USP9X: variants seen among roughly 807,000 people sequenced by gnomAD.
USP9X encodes ubiquitin carboxyl-terminal hydrolase 9X.
A neutral mutation model predicts 190.3 loss-of-function variants in USP9X; 7 were observed. That is an observed-to-expected ratio of 0.04 (90% confidence interval 0.02 to 0.07). The LOEUF (loss-of-function observed/expected upper bound fraction) is 0.07, where lower values mean the gene tolerates loss of function less well. USP9X is among the 10% of genes least tolerant of loss of function. USP9X has a pLI of 1.00. For synonymous variants in USP9X, 645 were observed against 659.5 expected, an observed-to-expected ratio of 0.98 and a Z score of 0.34; for missense variants, 1,010 against 1,916.9, an observed-to-expected ratio of 0.53 and a Z score of 8.83.
intron 21 of USP9X, among the ~76,000 whole-genome samples, chrX:41,173,945 A>G (rs1247656302): frequency 8.9e-6 from 1 of 112,103 alleles, no homozygotes; most frequent in Non-Finnish European, 1.9e-5. Flanking sequence ...GACCACATAT[A>G]CAATGGTGGT....
At position 41,106,451 on chromosome X, in the gene USP9X, G is replaced by T. The variant is rs138414053; in HGVS notation, c.-158-17020G>T. 3.5e-4 allele frequency among the ~76,000 whole-genome samples: 38 copies of T among 107,600 alleles called. 1 individual carries two copies. In the East Asian group the frequency reaches 0.011, roughly 30 times the overall value. The allele number at this position is 107,600 out of a possible 115,157, so 93.4% of individuals were successfully genotyped here. A position where few individuals can be genotyped will look rare whatever the true frequency, so the allele number is the denominator to read the frequency against. Reference sequence around the variant, plus strand: ...TATAATTGCATAATTGTATTTACCAGTGTTATTTCACTGAGTTTGTGTCTT... The same window carrying T: ...TATAATTGCATAATTGTATTTACCATTGTTATTTCACTGAGTTTGTGTCTT... On this transcript the variant is annotated intron_variant, in intron 1 of 44. Transcript: ENST00000378308.
At position 41,214,565 on chromosome X, in the gene USP9X, T is replaced by C; in HGVS notation, c.5190-3T>C. On this transcript the variant is annotated splice_region_variant and splice_polypyrimidine_tract_variant and intron_variant, in intron 33 of 44. Transcript: ENST00000378308. ...ATAAATCCTTTTTTTAAATCGTTTT[T>C]AGGTACGAATGTGAAGAATCTTTTA... The C allele has an allele frequency of 1.7e-6, 2 of 1,155,698 alleles. No individual in the cohort carries two copies. Among genetic ancestry groups the C allele is most frequent in the South Asian group, 4.2e-5 (2 of 47,756 alleles).
chrX:41,228,798 G>T (rs1475870488), intron 41 of USP9X, among the ~76,000 whole-genome samples: 3 of 112,131 alleles, frequency 2.7e-5, no homozygotes, highest in Non-Finnish European at 5.6e-5. Flanking sequence ...GTGTAACTCT[G>T]TGCCAATTTT....
intron 4 of USP9X, among the ~76,000 whole-genome samples, chrX:41,133,331 G>T (rs2062340954): frequency 1.8e-5 from 2 of 111,419 alleles, no homozygotes; most frequent in South Asian, 7.4e-4. Context: ...ATTTTTTAAA[G>T]AAAATATCTT....
At chrX:41,198,796 C>T in intron 30 of USP9X, 46 bp downstream of exon 30, 1 of 1,073,511 alleles carries the variant, frequency 9.3e-7, no homozygotes, top group Non-Finnish European at 1.3e-6. Context: ...TTCAATGTTT[C>T]AAAGTTGTTT....
chrX:41,196,471 A>G (rs964088629), intron 27 of USP9X, 112 bp downstream of exon 27: 58 of 1,066,218 alleles, frequency 5.4e-5, no homozygotes, highest in Non-Finnish European at 7.3e-5. Flanking sequence ...TATTTAATAA[A>G]TGAAGTACTA....
intron 26 of USP9X, 138 bp from the exon 27 acceptor site, chrX:41,196,113 A>AG: frequency 1.5e-6 from 1 of 660,275 alleles, no homozygotes; most frequent in Non-Finnish European, 2.4e-6. Flanking sequence ...GTGTGTAGGT[A>AG]GGGTAATCCT....
intron 38 of USP9X, among the ~76,000 whole-genome samples, chrX:41,222,503 GAGGC>G (rs1001896589): frequency 8.9e-6 from 1 of 111,884 alleles, no homozygotes; most frequent in Non-Finnish European, 1.9e-5. Context: ...GGAAAGAAGA[GAGGC>G]AGGCAATTTA....
At position 41,224,635 on chromosome X, in the gene USP9X, TAAAAAAAATAAA is replaced by T. The variant is rs1797970594; in HGVS notation, c.6752-100_6752-89del. On this transcript the variant is annotated intron_variant, in intron 39 of 44. Coordinates refer to ENST00000378308, the MANE Select transcript of USP9X (RefSeq NM_001039591.3). ...TGGGCGACAGAGCGAGACTCCATCT[TAAAAAAAATAAA>T]AAAAAATTATAGGCTATTTTCTATC... 6 of 719,691 alleles carry T rather than the reference TAAAAAAAATAAA, an allele frequency of 8.3e-6. No homozygotes were observed. In the South Asian group the frequency reaches 1.2e-4, roughly 14 times the overall value. 59.3% of individuals were successfully genotyped at this position (719,691 alleles called of 1,213,427 possible). A position where few individuals can be genotyped will look rare whatever the true frequency, so the allele number is the denominator to read the frequency against.
At chrX:41,155,723 C>T (rs187544217) in intron 14 of USP9X, among the ~76,000 whole-genome samples, 3 of 111,894 alleles carry the variant, frequency 2.7e-5, no homozygotes, top group Non-Finnish European at 5.6e-5. Flanking sequence ...CTATGAAGTA[C>T]TATTAAGTCT....
intron 36 of USP9X, among the ~76,000 whole-genome samples, 186 bp from the exon 37 acceptor site, chrX:41,218,184 ACT>A (rs952955050): frequency 1.2e-4 from 13 of 111,051 alleles, no homozygotes; most frequent in African/African-American, 4.3e-4. Context: ...CTGTTTGGTA[ACT>A]CTGAGAGAAT....
Position 41,086,381 on chromosome X carries a change from T to TCCC in USP9X, c.-159+275_-159+277dup, listed in dbSNP as rs1387717563. Reference sequence around the variant, plus strand: ...CTGACGGCTCCGTCCCTCCCCCTCCTCCCCCTTCCCGTCCTGTCTGGGGCC... The same window carrying TCCC: ...CTGACGGCTCCGTCCCTCCCCCTCCTCCCCCCCCTTCCCGTCCTGTCTGGGGCC... On this transcript the variant is annotated intron_variant, in intron 1 of 44. Transcript: ENST00000378308. 2.7e-5 allele frequency among the ~76,000 whole-genome samples: 3 copies of TCCC among 110,882 alleles called. No homozygotes were observed. The East Asian group carries it at 8.8e-4, about 33-fold the overall frequency.
chrX:41,200,741 T>C (rs1466304109), intron 30 of USP9X, among the ~76,000 whole-genome samples: 1 of 112,549 alleles, frequency 8.9e-6, no homozygotes, highest in East Asian at 2.8e-4. Context: ...GAATAATGGC[T>C]AAAAATAAAG....
At chrX:41,217,119 T>C (rs1213694927) in intron 35 of USP9X, 101 bp from the exon 36 acceptor site, 11 of 967,208 alleles carry the variant, frequency 1.1e-5, no homozygotes, top group Non-Finnish European at 1.4e-5. Context: ...GAAGGGTTCT[T>C]AACAAATTTA....
At chrX:41,219,295 G>A (rs1569200527) in intron 38 of USP9X, 64 bp downstream of exon 38, 2 of 1,072,736 alleles carry the variant, frequency 1.9e-6, no homozygotes, top group Admixed American at 5.1e-5. Context: ...AAGTCATTTA[G>A]GTCAAGTGAT....
chrX:41,221,261 TA>T (rs1342205991), intron 38 of USP9X, among the ~76,000 whole-genome samples: 2 of 111,365 alleles, frequency 1.8e-5, no homozygotes, highest in East Asian at 2.8e-4. Context: ...GACTCCATCT[TA>T]AAAAAAATTA....
intron 24 of USP9X, 108 bp downstream of exon 24, chrX:41,186,750 C>T (rs1473327247): frequency 1.2e-6 from 1 of 866,993 alleles, no homozygotes; most frequent in South Asian, 2.5e-5. Context: ...GTTTTGTCTA[C>T]TATTAATATT....
intron 4 of USP9X, among the ~76,000 whole-genome samples, chrX:41,133,729 G>A (rs1044465665): frequency 7.2e-5 from 8 of 111,675 alleles, no homozygotes; most frequent in African/African-American, 2.3e-4. Context: ...ACTTACCATG[G>A]TGACCTTTTG....
chrX:41,178,350 C>G (rs1192607376), intron 21 of USP9X, among the ~76,000 whole-genome samples: 1 of 109,688 alleles, frequency 9.1e-6, no homozygotes, highest in Non-Finnish European at 1.9e-5. Context: ...ATCCACCCAC[C>G]TCGGCCTACC....
Sources: allele counts gnomAD v4.1 joint callset (sites outside exome capture counted in the v4.1 genomes callset), GRCh38; gene constraint gnomAD v4.1.1; transcripts MANE v1.5; gene names NCBI Gene and HGNC (gene_info 2026-07-23, HGNC 2026-07-21).